TLL1: variants seen among roughly 807,000 people sequenced by gnomAD.
TLL1 encodes the protein tolloid-like protein 1.
In TLL1, 49 loss-of-function variants were observed where a neutral mutation model predicts 128.2. The observed-to-expected ratio is 0.38, with a 90% CI of 0.30 to 0.48. The LOEUF (loss-of-function observed/expected upper bound fraction) is 0.48, where lower values mean the gene tolerates loss of function less well. Among genes scored for constraint, TLL1 ranks in the 20% least tolerant of loss-of-function variants. TLL1 has a pLI of 0.96. For missense variants in TLL1, 1,123 were observed against 1,242.0 expected (o/e 0.90, Z 1.44); for synonymous variants, 454 against 418.8 (o/e 1.08, Z -1.03).
chr4:165,948,218 A>G (rs1734347775), intron 1 of TLL1, among the ~76,000 whole-genome samples: 1 of 152,094 alleles, frequency 6.6e-6, no homozygotes, highest in Non-Finnish European at 1.5e-5. Context: ...ACTGACATCC[A>G]ATGCCTGTCT....
intron 1 of TLL1, among the ~76,000 whole-genome samples, chr4:165,950,634 TTAAA>T (rs1256363345): frequency 1.1e-4 from 16 of 151,922 alleles, no homozygotes; most frequent in African/African-American, 3.6e-4. Context: ...TTTGGAAATA[TTAAA>T]TAACGTATAT....
chr4:165,900,626 C>A (rs1211375509), intron 1 of TLL1, among the ~76,000 whole-genome samples: 1 of 152,134 alleles, frequency 6.6e-6, no homozygotes, highest in Non-Finnish European at 1.5e-5. Context: ...ATGGACTTCC[C>A]TTTGCGGATA....
At chr4:166,090,700 T>C (rs1380853452) in intron 18 of TLL1, among the ~76,000 whole-genome samples, 2 of 152,088 alleles carry the variant, frequency 1.3e-5, no homozygotes, top group Non-Finnish European at 1.5e-5. Context: ...TAATACTTTA[T>C]TGAGTTTAGT....
At chr4:166,023,173 T>C (rs1579636957) in intron 8 of TLL1, among the ~76,000 whole-genome samples, 1 of 152,166 alleles carries the variant, frequency 6.6e-6, no homozygotes, top group Admixed American at 6.5e-5. Flanking sequence ...CCGAGGCAGG[T>C]GGATCACCTG....
At chr4:166,064,635 T>C (rs1007782049) in intron 15 of TLL1, among the ~76,000 whole-genome samples, 1 of 152,126 alleles carries the variant, frequency 6.6e-6, no homozygotes, top group Non-Finnish European at 1.5e-5. Context: ...TACAGAATAA[T>C]GGGTTAGGCT....
intron 1 of TLL1, among the ~76,000 whole-genome samples, chr4:165,877,284 G>A (rs79223696): frequency 0.012 from 1,862 of 152,352 alleles, 37 homozygotes; most frequent in African/African-American, 0.043. Flanking sequence ...AGTCAGTGCA[G>A]CACAGCTGCG....
chr4:166,056,320 T>G (rs1439523132), intron 13 of TLL1, among the ~76,000 whole-genome samples: 1 of 151,984 alleles, frequency 6.6e-6, no homozygotes, highest in East Asian at 1.9e-4. Flanking sequence ...TTTGTCTAAC[T>G]CACATGAGGT....
At chr4:165,940,119 A>G (rs1192397079) in intron 1 of TLL1, among the ~76,000 whole-genome samples, 3 of 151,974 alleles carry the variant, frequency 2.0e-5, no homozygotes, top group Middle Eastern at 3.2e-3. Context: ...CATTGACCTA[A>G]CTAAAATTCC....
intron 1 of TLL1, 133 bp downstream of exon 1, chr4:165,874,206 C>G: frequency 9.0e-7 from 1 of 1,112,108 alleles, no homozygotes; most frequent in Non-Finnish European, 1.3e-6. Flanking sequence ...CTTCTCTCCC[C>G]CTCCTTTTCC....
At chr4:166,056,925 G>A (rs1363230901) in intron 13 of TLL1, among the ~76,000 whole-genome samples, 1 of 152,012 alleles carries the variant, frequency 6.6e-6, no homozygotes, top group African/African-American at 2.4e-5. Context: ...GAAATGAATT[G>A]TTTCCATTTT....
intron 9 of TLL1, among the ~76,000 whole-genome samples, chr4:166,037,235 C>A (rs1739046657): frequency 6.6e-6 from 1 of 152,106 alleles, no homozygotes; most frequent in Non-Finnish European, 1.5e-5. Flanking sequence ...GTATTATTTC[C>A]TAGTTATATC....
rs61229255 is a variant in TLL1 at position 166,052,965 on chromosome 4, G to GTATA, written c.1525-2097_1525-2094dup. Among the ~76,000 whole-genome samples, 37 of 99,672 alleles carry GTATA rather than the reference G, an allele frequency of 3.7e-4. 2 individuals carry two copies. The highest frequency in any genetic ancestry group is 7.2e-4 in the African/African-American group (19 of 26,270). The allele number at this position is 99,672 out of a possible 152,430, so 65.4% of individuals were successfully genotyped here. A position where few individuals can be genotyped will look rare whatever the true frequency, so the allele number is the denominator to read the frequency against. ...TAAAGACTGAGATAAGAGGTTATGT[G>GTATA]TATATATATATATATATTTGGCCAA... On this transcript the variant is annotated intron_variant, in intron 12 of 20. Coordinates refer to ENST00000061240, the MANE Select transcript of TLL1 (RefSeq NM_012464.5).
rs560546195 is a variant in TLL1 at position 165,945,696 on chromosome 4, A to G, written c.170-43685A>G. ...AAGCCAAGAGAAAAATTAAAACGGA[A>G]ATGTAAAATATATTCAGATATCTCA... On this transcript the variant is annotated intron_variant, in intron 1 of 20. Transcript: ENST00000061240. 5.9e-5 allele frequency among the ~76,000 whole-genome samples: 9 copies of G among 152,316 alleles called. No individual in the cohort carries two copies. In the South Asian group the frequency reaches 1.9e-3, roughly 32 times the overall value.
intron 1 of TLL1, among the ~76,000 whole-genome samples, chr4:165,921,055 T>C (rs1421034308): frequency 2.0e-5 from 3 of 151,700 alleles, no homozygotes; most frequent in Non-Finnish European, 4.4e-5. Context: ...GCTTCAGGTA[T>C]ACTCTAAGTT....
In TLL1 at chr4:166,042,712, C is replaced by G. The variant is rs1330725051; in HGVS notation, c.1379-562C>G. 2.6e-5 allele frequency among the ~76,000 whole-genome samples: 4 copies of G among 152,288 alleles called. No homozygotes were observed. In the East Asian group the frequency reaches 7.7e-4, roughly 29 times the overall value. ...TGGGTGGAGGAGACACTTCCTAGTACAGCAGTTTAAGTAATTTTGAAGACA... is the reference window on the plus strand; with the variant it reads ...TGGGTGGAGGAGACACTTCCTAGTAGAGCAGTTTAAGTAATTTTGAAGACA... On this transcript the variant is annotated intron_variant, in intron 11 of 20. Transcript: ENST00000061240.
chr4:165,954,244 G>A (rs1734669656), intron 1 of TLL1, among the ~76,000 whole-genome samples: 1 of 152,060 alleles, frequency 6.6e-6, no homozygotes, highest in South Asian at 2.1e-4. Context: ...ATGTTTTGGG[G>A]TGAGATTGAC....
At chr4:165,892,598 T>A (rs1731478585) in intron 1 of TLL1, among the ~76,000 whole-genome samples, 1 of 152,216 alleles carries the variant, frequency 6.6e-6, no homozygotes, top group Admixed American at 6.5e-5. Context: ...TCTTTTAAAA[T>A]TCAAGTACTC....
intron 9 of TLL1, among the ~76,000 whole-genome samples, chr4:166,037,542 C>T (rs1739058086): frequency 6.6e-6 from 1 of 152,168 alleles, no homozygotes; most frequent in South Asian, 2.1e-4. Flanking sequence ...GGCACGGTGG[C>T]TCATGCCTGC....
At chr4:166,095,231 T>A (rs1386553791) in intron 19 of TLL1, among the ~76,000 whole-genome samples, 1 of 152,092 alleles carries the variant, frequency 6.6e-6, no homozygotes, top group Non-Finnish European at 1.5e-5. Context: ...TGTTGTAATG[T>A]GTAATGATGG....
Sources: allele counts gnomAD v4.1 joint callset (sites outside exome capture counted in the v4.1 genomes callset), GRCh38; gene constraint gnomAD v4.1.1; transcripts MANE v1.5; gene names NCBI Gene and HGNC (gene_info 2026-07-23, HGNC 2026-07-21).